The following TOX variants were observed in gnomAD, a reference collection of about 807,000 sequenced individuals.
TOX encodes thymocyte selection-associated high mobility group box protein TOX.
A neutral mutation model predicts 53.7 loss-of-function variants in TOX; 11 were observed. That is an observed-to-expected ratio of 0.20 (90% CI 0.13 to 0.34). TOX has a LOEUF of 0.34. Ranked by LOEUF, TOX falls within the 10% of genes least tolerant of loss-of-function variation. TOX has a pLI of 1.00. For synonymous variants in TOX, 225 were observed against 245.3 expected (o/e 0.92, Z 0.77); for missense variants, 570 against 664.6 (o/e 0.86, Z 1.56).
At chr8:58,873,958 C>CTTTTTTTTTTTT (rs1173710545) in intron 3 of TOX, among the ~76,000 whole-genome samples, 739 of 40,136 alleles carry the variant, frequency 0.018, 199 homozygotes, top group African/African-American at 0.049. Context: ...TGCCAGGAAG[C>CTTTTTTTTTTTT]TTTTTTTTTT....
chr8:59,002,547 C>G (rs1174164693), intron 1 of TOX, among the ~76,000 whole-genome samples: 1 of 150,818 alleles, frequency 6.6e-6, no homozygotes, highest in African/African-American at 2.4e-5. Flanking sequence ...AGCGAGATCG[C>G]GCCACTGCAC....
chr8:58,911,470 T>C (rs747362918), intron 3 of TOX, among the ~76,000 whole-genome samples: 74 of 152,346 alleles, frequency 4.9e-4, no homozygotes, highest in Middle Eastern at 3.4e-3. Context: ...AATACATATG[T>C]ATTTCTCGCT....
At chr8:58,869,840 T>C (rs1811168205) in intron 3 of TOX, among the ~76,000 whole-genome samples, 1 of 151,776 alleles carries the variant, frequency 6.6e-6, no homozygotes, top group Admixed American at 6.6e-5. Context: ...ATCATATCTA[T>C]AGATGCAGTA....
rs116166724 is a variant in TOX at position 59,096,586 on chromosome 8, C to T, written c.102+22300G>A. 3.8e-3 allele frequency among the ~76,000 whole-genome samples: 579 copies of T among 152,202 alleles called. 3 individuals are homozygous for T. Among genetic ancestry groups the T allele is most frequent in the African/African-American group, 0.013 (545 of 41,504 alleles). ...AAAGACTAAAACTCAACCCAGAAATCCACAACAAAGGTAATTTGACTCCTG... is the reference window on the plus strand; with the variant it reads ...AAAGACTAAAACTCAACCCAGAAATTCACAACAAAGGTAATTTGACTCCTG... On this transcript the variant is annotated intron_variant, in intron 1 of 8. Coordinates refer to ENST00000361421, the MANE Select transcript of TOX (RefSeq NM_014729.3).
chr8:58,993,322 A>AG (rs1813491386), intron 1 of TOX, among the ~76,000 whole-genome samples: 1 of 152,226 alleles, frequency 6.6e-6, no homozygotes, highest in African/African-American at 2.4e-5. Flanking sequence ...TGTATGGCCA[A>AG]GGGATATTTA....
At chr8:58,856,726 A>C (rs973765375) in intron 3 of TOX, among the ~76,000 whole-genome samples, 1 of 150,024 alleles carries the variant, frequency 6.7e-6, no homozygotes, top group Non-Finnish European at 1.5e-5. Flanking sequence ...GTCTCCATGA[A>C]GGGAGGGGCT....
At chr8:58,912,264 A>C (rs7827514) in intron 3 of TOX, among the ~76,000 whole-genome samples, 115 of 152,344 alleles carry the variant, frequency 7.5e-4, no homozygotes, top group African/African-American at 2.6e-3. Context: ...TTCAGATAGG[A>C]TATTTTGCCC....
intron 1 of TOX, among the ~76,000 whole-genome samples, chr8:59,104,044 T>C (rs899286476): frequency 5.9e-5 from 9 of 152,202 alleles, no homozygotes; most frequent in Admixed American, 2.6e-4. Context: ...CTCTAAAAGG[T>C]TATCTTTCAT....
At chr8:58,998,535 ATAT>A (rs1813619235) in intron 1 of TOX, among the ~76,000 whole-genome samples, 1 of 12,278 alleles carries the variant, frequency 8.1e-5, no homozygotes, top group African/African-American at 3.0e-4. Context: ...ATATATATAT[ATAT>A]AAATTTATAT....
At chr8:59,101,750 A>C (rs1295821555) in intron 1 of TOX, among the ~76,000 whole-genome samples, 2 of 152,244 alleles carry the variant, frequency 1.3e-5, no homozygotes, top group African/African-American at 2.4e-5. Flanking sequence ...AAACCAGATT[A>C]AGGCTAAAAT....
chr8:58,997,141 G>A (rs1459834189), intron 1 of TOX, among the ~76,000 whole-genome samples: 2 of 152,142 alleles, frequency 1.3e-5, no homozygotes, highest in East Asian at 1.9e-4. Flanking sequence ...CACACCTAAG[G>A]GAGACACTGC....
chr8:59,013,518 C>A (rs939732429), intron 1 of TOX, among the ~76,000 whole-genome samples: 3 of 151,714 alleles, frequency 2.0e-5, no homozygotes, highest in Non-Finnish European at 4.4e-5. Flanking sequence ...TCAAACAATT[C>A]TCCTGCCTCA....
chr8:58,825,344 G>A (rs535379124), intron 6 of TOX, among the ~76,000 whole-genome samples: 184 of 152,284 alleles, frequency 1.2e-3, no homozygotes, highest in African/African-American at 4.2e-3. Context: ...TAAAAAAAGT[G>A]CTTGGTTTTT....
At chr8:59,029,718 A>C (rs1319660426) in intron 1 of TOX, among the ~76,000 whole-genome samples, 6 of 152,234 alleles carry the variant, frequency 3.9e-5, no homozygotes, top group African/African-American at 1.4e-4. Flanking sequence ...AATGGCTACA[A>C]GGACCTCGAT....
intron 1 of TOX, among the ~76,000 whole-genome samples, chr8:58,975,994 C>T (rs1315888733): frequency 6.6e-6 from 1 of 152,086 alleles, no homozygotes; most frequent in African/African-American, 2.4e-5. Context: ...ATCGCTTGAA[C>T]CTGGGACACG....
chr8:58,929,157 G>A (rs1421468172), intron 3 of TOX, among the ~76,000 whole-genome samples: 3 of 152,024 alleles, frequency 2.0e-5, no homozygotes, highest in African/African-American at 7.2e-5. Context: ...ATTAAATTCA[G>A]AGGATTTAAC....
At chr8:58,939,244 G>T (rs1227700854) in intron 3 of TOX, 58 bp downstream of exon 3, 1 of 1,597,388 alleles carries the variant, frequency 6.3e-7, no homozygotes. Flanking sequence ...CATGAACTTG[G>T]TCCTTGTCCT....
intron 1 of TOX, among the ~76,000 whole-genome samples, chr8:59,089,480 G>A (rs1428561132): frequency 6.6e-6 from 1 of 152,170 alleles, no homozygotes; most frequent in African/African-American, 2.4e-5. Context: ...AGTGGTGCCT[G>A]TTGGAAGTAA....
intron 1 of TOX, among the ~76,000 whole-genome samples, chr8:59,040,117 CAGG>C (rs1275200779): frequency 1.3e-5 from 2 of 152,040 alleles, no homozygotes; most frequent in Non-Finnish European, 2.9e-5. Context: ...ATCACGAGGT[CAGG>C]AGATCGAGAC....
Sources: allele counts gnomAD v4.1 joint callset (sites outside exome capture counted in the v4.1 genomes callset), GRCh38; gene constraint gnomAD v4.1.1; transcripts MANE v1.5; gene names NCBI Gene and HGNC (gene_info 2026-07-23, HGNC 2026-07-21).